ACER3: variants seen among roughly 807,000 people sequenced by gnomAD.
The protein encoded by ACER3 is alkaline ceramidase 3, also known as alkCDase 3.
Under a neutral mutation model 48.9 loss-of-function variants are expected in ACER3, and 16 were observed. The ratio of observed to expected loss-of-function variants is 0.33; its 90% CI spans 0.22 to 0.50. The LOEUF (loss-of-function observed/expected upper bound fraction) is 0.50. Among genes scored for constraint, ACER3 ranks in the 20% least tolerant of loss-of-function variants. The pLI, the probability that ACER3 is intolerant of heterozygous loss-of-function variation, is 0.98. For missense variants in ACER3, 227 were observed against 326.0 expected (o/e 0.70, Z 2.34); for synonymous variants, 109 against 107.8 (o/e 1.01, Z -0.07).
intron 1 of ACER3, among the ~76,000 whole-genome samples, chr11:76,871,036 G>C (rs1945229686): frequency 6.6e-6 from 1 of 152,128 alleles, no homozygotes; most frequent in Admixed American, 6.5e-5. Context: ...CTGTTTTAAA[G>C]ATCTGGAAAT....
At chr11:77,002,693 G>A (rs1949057712) in intron 7 of ACER3, among the ~76,000 whole-genome samples, 1 of 151,972 alleles carries the variant, frequency 6.6e-6, no homozygotes, top group African/African-American at 2.4e-5. Flanking sequence ...TTAAATGTTT[G>A]GTAGAATTCT....
At chr11:76,883,056 C>T (rs2134584126) in intron 1 of ACER3, among the ~76,000 whole-genome samples, 1 of 152,108 alleles carries the variant, frequency 6.6e-6, no homozygotes, top group East Asian at 1.9e-4. Flanking sequence ...TTCACTGTTT[C>T]TTATGTACTG....
At chr11:76,910,613 A>G (rs907191505) in intron 1 of ACER3, among the ~76,000 whole-genome samples, 1 of 152,222 alleles carries the variant, frequency 6.6e-6, no homozygotes, top group African/African-American at 2.4e-5. Flanking sequence ...CATTTCGCCA[A>G]AGAAAATATA....
intron 2 of ACER3, among the ~76,000 whole-genome samples, chr11:76,932,605 A>G (rs945854498): frequency 7.2e-5 from 11 of 152,332 alleles, no homozygotes; most frequent in East Asian, 1.9e-4. Flanking sequence ...TTGCCCTAGG[A>G]TAATGGTGGC....
At chr11:76,963,976 TG>T (rs957091312) in intron 3 of ACER3, among the ~76,000 whole-genome samples, 2 of 151,354 alleles carry the variant, frequency 1.3e-5, no homozygotes, top group Non-Finnish European at 2.9e-5. Context: ...TGCAGGTCAG[TG>T]GGTGCAGTGC....
At chr11:76,976,099 C>G (rs905777067) in intron 3 of ACER3, among the ~76,000 whole-genome samples, 190 bp from the exon 4 acceptor site, 2 of 152,036 alleles carry the variant, frequency 1.3e-5, no homozygotes, top group Admixed American at 6.6e-5. Context: ...GTTACTCAGG[C>G]TGATCTCAAA....
At chr11:76,947,054 A>G (rs904184431) in intron 2 of ACER3, among the ~76,000 whole-genome samples, 4 of 152,146 alleles carry the variant, frequency 2.6e-5, no homozygotes, top group East Asian at 1.9e-4. Context: ...CTTTTGGTGC[A>G]TCTTGTCACT....
chr11:76,976,154 T>C (rs2135152090), intron 3 of ACER3, 135 bp from the exon 4 acceptor site: 1 of 680,862 alleles, frequency 1.5e-6, no homozygotes, highest in Non-Finnish European at 2.5e-6. Context: ...CCCAGAGTGC[T>C]GGGATTACAG....
chr11:76,893,105 A>G (rs896150012), intron 1 of ACER3, among the ~76,000 whole-genome samples: 2 of 152,204 alleles, frequency 1.3e-5, no homozygotes, highest in Non-Finnish European at 2.9e-5. Flanking sequence ...GAGGTAGAAG[A>G]CCTCTGTGAG....
chr11:76,917,129 T>C (rs1946554434), intron 1 of ACER3, among the ~76,000 whole-genome samples: 2 of 152,116 alleles, frequency 1.3e-5, no homozygotes, highest in Non-Finnish European at 2.9e-5. Flanking sequence ...CATTACAAGC[T>C]CTGCTTAGTG....
chr11:76,872,905 C>CTT lies in ACER3; in HGVS notation c.103+11830_103+11831dup, dbSNP rs756362938. 4.2e-3 allele frequency among the ~76,000 whole-genome samples: 393 copies of CTT among 94,516 alleles called. 30 individuals are homozygous for CTT. The highest frequency in any genetic ancestry group is 0.011 in the African/African-American group (249 of 23,696). 62.0% of individuals were successfully genotyped at this position (94,516 alleles called of 152,430 possible). On this transcript the variant is annotated intron_variant, in intron 1 of 10. Coordinates refer to ENST00000532485, the MANE Select transcript of ACER3 (RefSeq NM_018367.7). Reference sequence around the variant, plus strand: ...TCTTTTCTTTCTTTCTTTCTTTTTTCTTTTTCTTTTTTTTTTTTTTTTTTG... The same window carrying CTT: ...TCTTTTCTTTCTTTCTTTCTTTTTTCTTTTTTTCTTTTTTTTTTTTTTTTTTG...
At chr11:77,001,841 T>A (rs1303513852) in intron 7 of ACER3, among the ~76,000 whole-genome samples, 2 of 152,226 alleles carry the variant, frequency 1.3e-5, no homozygotes, top group Non-Finnish European at 2.9e-5. Context: ...GGCTGCCACA[T>A]ATAATAAAAT....
rs200403218 is a variant in ACER3 at position 76,957,606 on chromosome 11, G to A, written c.215-1373G>A. On this transcript the variant is annotated intron_variant, in intron 2 of 10. Coordinates refer to ENST00000532485, the MANE Select transcript of ACER3 (RefSeq NM_018367.7). Reference sequence around the variant, plus strand: ...CTACAGGTGTGTATCACCATGTCTGGCTAATTTTTATATTTTTAGTAGAGA... The same window carrying A: ...CTACAGGTGTGTATCACCATGTCTGACTAATTTTTATATTTTTAGTAGAGA... The A allele has an allele frequency of 2.5e-5, 7 of 281,328 alleles. No individual in the cohort carries two copies. In the East Asian group the frequency reaches 5.6e-4, roughly 22 times the overall value. 17.4% of individuals were successfully genotyped at this position (281,328 alleles called of 1,614,324 possible).
At chr11:76,916,523 G>A (rs1239349186) in intron 1 of ACER3, among the ~76,000 whole-genome samples, 2 of 92,302 alleles carry the variant, frequency 2.2e-5, no homozygotes, top group Non-Finnish European at 6.4e-5. Flanking sequence ...CCAGGTGAGA[G>A]GTTAAAACGG....
At chr11:76,912,953 C>A (rs1249479540) in intron 1 of ACER3, among the ~76,000 whole-genome samples, 1 of 152,000 alleles carries the variant, frequency 6.6e-6, no homozygotes, top group African/African-American at 2.4e-5. Context: ...ATTTTCAGAT[C>A]AGGAGTGGAA....
In ACER3 at chr11:77,025,303, G is replaced by A. The variant is rs1360879999; in HGVS notation, c.*4976G>A. 6.6e-6 allele frequency: 1 copy of A among 151,258 alleles called. No homozygotes were observed. Among genetic ancestry groups the A allele is most frequent in the East Asian group, 1.9e-4 (1 of 5,184 alleles). 9.4% of individuals were successfully genotyped at this position (151,258 alleles called of 1,614,324 possible). A position where few individuals can be genotyped will look rare whatever the true frequency, so the allele number is the denominator to read the frequency against. On this transcript the variant is annotated 3_prime_UTR_variant, in exon 11 of 11. Coordinates refer to ENST00000532485, the MANE Select transcript of ACER3 (RefSeq NM_018367.7). The stretch of plus-strand genomic sequence containing the variant: ...ATAATATCAAAGGGGTCTAGATCAG[G>A]GGTTGGTAAACTACAACCCATGGGC...
In ACER3 at chr11:76,942,790, T is replaced by C. The variant is rs536565322; in HGVS notation, c.214+16123T>C. Among the ~76,000 whole-genome samples the C allele has an allele frequency of 2.0e-5, 3 of 152,124 alleles. No individual in the cohort carries two copies. In the South Asian group the frequency reaches 6.2e-4, roughly 31 times the overall value. On this transcript the variant is annotated intron_variant, in intron 2 of 10. Coordinates refer to ENST00000532485, the MANE Select transcript of ACER3 (RefSeq NM_018367.7). ...TCTTCTTTGTATGTTTGGTAGAACT[T>C]GGCTGTGGATCCATCTACTCCTAGA... is the stretch of plus-strand genomic sequence containing the variant.
In ACER3 at chr11:76,915,290, G is replaced by A. The variant is rs757541370; in HGVS notation, c.104-11267G>A. On this transcript the variant is annotated intron_variant, in intron 1 of 10. Coordinates refer to ENST00000532485, the MANE Select transcript of ACER3 (RefSeq NM_018367.7). Reference sequence around the variant, plus strand: ...CTTGATCCTAGGACTTTATGGGCTCGCCTCTTTCCCATGATACTTCCCTTA... The same window carrying A: ...CTTGATCCTAGGACTTTATGGGCTCACCTCTTTCCCATGATACTTCCCTTA... Among the ~76,000 whole-genome samples, 48 of 151,570 alleles carry A rather than the reference G, an allele frequency of 3.2e-4. 2 individuals are homozygous for A. The highest frequency in any genetic ancestry group is 3.2e-3 in the Middle Eastern group (1 of 316).
At chr11:76,985,606 T>C (rs111412584) in intron 4 of ACER3, 37 bp from the exon 5 acceptor site, 6 of 1,316,366 alleles carry the variant, frequency 4.6e-6, no homozygotes, top group African/African-American at 4.5e-5. Flanking sequence ...CCTACTTATA[T>C]ATTCTTTTAA....
Sources: gnomAD v4.1 joint callset for allele counts (sites outside exome capture counted in the v4.1 genomes callset) on GRCh38, gnomAD v4.1.1 for gene constraint, MANE v1.5 for transcripts, NCBI Gene and HGNC (gene_info 2026-07-23, HGNC 2026-07-21) for gene names.